Variants in CACNA1E observed in about 807,000 individuals in gnomAD.
CACNA1E encodes the protein calcium voltage-gated channel subunit alpha1 E, also known as voltage-dependent R-type calcium channel subunit alpha-1E.
A neutral mutation model predicts 259.2 loss-of-function variants in CACNA1E; 40 were observed. The observed-to-expected ratio is 0.15, with a 90% CI of 0.12 to 0.20. CACNA1E has a LOEUF of 0.20. Among genes scored for constraint, CACNA1E ranks in the 10% least tolerant of loss-of-function variants. The probability of loss-of-function intolerance (pLI) is 1.00; values close to 1 mark genes in which losing one functional copy is unlikely to be tolerated. For missense variants in CACNA1E, 1,874 were observed against 3,040.1 expected (o/e 0.62, Z 9.02); for synonymous variants, 1,104 against 1,138.5 (o/e 0.97, Z 0.61).
chr1:181,733,861 T>TGG, intron 21 of CACNA1E, 111 bp downstream of exon 21: 1 of 770,532 alleles, frequency 1.3e-6, no homozygotes, highest in Non-Finnish European at 1.9e-6. Context: ...TAAATCATCC[T>TGG]TCAAGAAGTA....
chr1:181,739,167 C>A lies in CACNA1E; in HGVS notation c.3633C>A (p.Ile1211=). The change falls in exon 25 of 48, where the codon ATC becomes ATA. Residue 1211 remains isoleucine (I), a synonymous_variant. Transcript: ENST00000367573. ...TGCAGATGATAGACCAAGGCTTGAT[C>A]CTGCAGGATGGGTCCTACTTCCGAG... The part of the protein sequence containing the change: ...MVIKMIDQGL[I]LQDGSYFRDL... 6.2e-7 allele frequency: 1 copy of A among 1,612,314 alleles called. No individual in the cohort carries two copies. The highest frequency in any genetic ancestry group is 8.5e-7 in the Non-Finnish European group (1 of 1,178,354).
intron 1 of CACNA1E, among the ~76,000 whole-genome samples, chr1:181,350,742 A>G (rs1381045874): frequency 6.6e-6 from 1 of 152,066 alleles, no homozygotes; most frequent in African/African-American, 2.4e-5. Flanking sequence ...ATCATCAGAA[A>G]TGCCCACCCT....
chr1:181,695,136 A>G (rs1208510212), intron 7 of CACNA1E, among the ~76,000 whole-genome samples: 1 of 152,202 alleles, frequency 6.6e-6, no homozygotes, highest in Non-Finnish European at 1.5e-5. Context: ...TATTTAAGGA[A>G]TAACAAAAAA....
In CACNA1E at chr1:181,413,767, C is replaced by T. The variant is rs1274454106; in HGVS notation, c.434+187C>T. Among the ~76,000 whole-genome samples the T allele has an allele frequency of 3.3e-5, 5 of 152,350 alleles. No individual in the cohort carries two copies. In the East Asian group the frequency reaches 9.6e-4, roughly 29 times the overall value. ...GTGGTCAGTCCCTGATCTCACCACC[C>T]GGCTGTAGGCCTCGTCCAGCCTCAC... On this transcript the variant is annotated intron_variant, in intron 2 of 11. Transcript: ENST00000524607.
chr1:181,528,371 G>T (rs1036208777), intron 3 of CACNA1E, among the ~76,000 whole-genome samples: 2 of 152,072 alleles, frequency 1.3e-5, no homozygotes, highest in African/African-American at 4.8e-5. Context: ...ACCTCTTTTT[G>T]TTCCCAGTTT....
chr1:181,383,169 C>A (rs778753704), intron 1 of CACNA1E, among the ~76,000 whole-genome samples: 1 of 152,364 alleles, frequency 6.6e-6, no homozygotes, highest in Admixed American at 6.5e-5. Flanking sequence ...TATCTCTTTT[C>A]AGGCATTTAT....
At chr1:181,457,220 T>G (rs929434061) in intron 2 of CACNA1E, among the ~76,000 whole-genome samples, 1 of 152,240 alleles carries the variant, frequency 6.6e-6, no homozygotes, top group Non-Finnish European at 1.5e-5. Context: ...AAAGGATCTC[T>G]TTGGGGCCTC....
intron 1 of CACNA1E, among the ~76,000 whole-genome samples, chr1:181,363,427 A>G (rs538438812): frequency 6.6e-6 from 1 of 152,232 alleles, no homozygotes; most frequent in Non-Finnish European, 1.5e-5. Context: ...GTTTTAGGTC[A>G]TATCCCTAAA....
chr1:181,729,394 T>C (rs531212941), intron 18 of CACNA1E, among the ~76,000 whole-genome samples: 3 of 152,376 alleles, frequency 2.0e-5, no homozygotes, highest in Non-Finnish European at 4.4e-5. Context: ...ATGCCCTGCT[T>C]GGGTGTTAAG....
intron 37 of CACNA1E, among the ~76,000 whole-genome samples, chr1:181,774,624 C>A (rs974352141): frequency 1.3e-5 from 2 of 152,230 alleles, no homozygotes; most frequent in African/African-American, 4.8e-5. Flanking sequence ...AGACCTCCAG[C>A]CATCCATCTC....
chr1:181,549,807 A>G (rs1450175653), intron 3 of CACNA1E, among the ~76,000 whole-genome samples: 4 of 152,212 alleles, frequency 2.6e-5, no homozygotes, highest in South Asian at 2.1e-4. Flanking sequence ...AACGGCATGC[A>G]TGTCACGGCA....
intron 2 of CACNA1E, among the ~76,000 whole-genome samples, chr1:181,465,739 C>A (rs548173032): frequency 2.0e-5 from 3 of 151,458 alleles, no homozygotes; most frequent in South Asian, 2.1e-4. Flanking sequence ...CTTTACATAT[C>A]TTTTCTATTA....
chr1:181,781,350 CA>C, intron 38 of CACNA1E, 76 bp from the exon 39 acceptor site: 1 of 725,136 alleles, frequency 1.4e-6, no homozygotes, highest in South Asian at 1.5e-5. Flanking sequence ...TCCTTCTCCC[CA>C]CTTCCTTCTC....
chr1:181,346,624 A>G (rs1652611511), intron 1 of CACNA1E, among the ~76,000 whole-genome samples: 1 of 152,222 alleles, frequency 6.6e-6, no homozygotes. Context: ...CCATTCCCTT[A>G]GGACCCTTCT....
chr1:181,613,860 C>G (rs946318021), intron 6 of CACNA1E, among the ~76,000 whole-genome samples: 8 of 152,148 alleles, frequency 5.3e-5, no homozygotes, highest in Non-Finnish European at 8.8e-5. Flanking sequence ...GATGTTTTTT[C>G]ACTGGTGCCT....
chr1:181,484,232 T>G (rs1158548630), intron 1 of CACNA1E, among the ~76,000 whole-genome samples: 1 of 152,212 alleles, frequency 6.6e-6, no homozygotes, highest in African/African-American at 2.4e-5. Context: ...TTATTTTTCC[T>G]ATGTGGAAAT....
intron 1 of CACNA1E, among the ~76,000 whole-genome samples, chr1:181,370,826 C>T (rs889213471): frequency 6.6e-6 from 1 of 152,140 alleles, no homozygotes; most frequent in African/African-American, 2.4e-5. Flanking sequence ...TAATTCTGCT[C>T]TAAGTTCTTT....
intron 7 of CACNA1E, among the ~76,000 whole-genome samples, chr1:181,694,000 G>A (rs762182860): frequency 1.3e-5 from 2 of 152,100 alleles, no homozygotes; most frequent in Non-Finnish European, 2.9e-5. Flanking sequence ...GAGGCAAGGG[G>A]AAAAACACTT....
chr1:181,570,914 A>G (rs913499801), intron 3 of CACNA1E, among the ~76,000 whole-genome samples: 2 of 152,178 alleles, frequency 1.3e-5, no homozygotes, highest in African/African-American at 4.8e-5. Context: ...CCCTGCCCCA[A>G]CAAGGTTTCT....
Sources: allele counts gnomAD v4.1 joint callset (sites outside exome capture counted in the v4.1 genomes callset), GRCh38; gene constraint gnomAD v4.1.1; transcripts MANE v1.5; gene names NCBI Gene and HGNC (gene_info 2026-07-23, HGNC 2026-07-21).